Variants in ITSN1 observed in about 807,000 individuals in gnomAD.
ITSN1 encodes intersectin 1, also known as intersectin-1.
Under a neutral mutation model 239.8 loss-of-function variants are expected in ITSN1, and 58 were observed. The ratio of observed to expected loss-of-function variants is 0.24; its 90% confidence interval spans 0.20 to 0.30. The LOEUF (loss-of-function observed/expected upper bound fraction) is 0.30, where lower values mean the gene tolerates loss of function less well. ITSN1 is among the 10% of genes least tolerant of loss of function. The pLI is 1.00. For synonymous variants in ITSN1, 780 were observed against 770.8 expected (o/e 1.01, Z -0.20); for missense variants, 1,558 against 2,103.3 (o/e 0.74, Z 5.07).
Position 33,762,004 on chromosome 21 carries a change from C to T in ITSN1, c.788+18C>T. On this transcript the variant is annotated intron_variant, in intron 9 of 39. Coordinates refer to ENST00000381318, the MANE Select transcript of ITSN1 (RefSeq NM_003024.3). ...TCAATATGGTAAGGAATGAAAAGTT[C>T]TTTGGTTTGGATAAAGTGGAAACTT... 1 of 1,594,008 alleles carries T rather than the reference C, an allele frequency of 6.3e-7. No homozygotes were observed. The highest frequency in any genetic ancestry group is 2.2e-5 in the East Asian group (1 of 44,792).
rs957884964 is a variant in ITSN1 at position 33,865,393 on chromosome 21, A to T, written c.4074+59A>T. On this transcript the variant is annotated intron_variant, in intron 32 of 39. Transcript: ENST00000381318. This position sits in a 1 kb window ranked among gnomAD's most constrained non-coding sequence, Gnocchi z 4.4. ...AGAGTGGCGATCTTTGGGCAGCTGG[A>T]TGTGTGAGGGGCTAATTCAAAAGTC... The T allele has an allele frequency of 3.4e-5, 46 of 1,334,314 alleles. No homozygotes were observed. The highest frequency in any genetic ancestry group is 4.3e-5 in the Non-Finnish European group (42 of 985,436). The allele number at this position is 1,334,314 out of a possible 1,614,324, so 82.7% of individuals were successfully genotyped here.
Position 33,888,298 on chromosome 21 carries a change from T to C in ITSN1, c.5164T>C (p.Ter1722GlnextTer49), listed in dbSNP as rs762227353. The C allele has an allele frequency of 1.2e-6, 2 of 1,612,164 alleles. No homozygotes were observed. The highest frequency in any genetic ancestry group is 8.5e-7 in the Non-Finnish European group (1 of 1,179,076). The change falls in exon 40 of 40, where the codon TAG becomes CAG. Residue 1722 changes from the stop codon to glutamine (Q), a stop_lost. Transcript: ENST00000381318. Reference sequence around the variant, plus strand: ...GGACCTGCAGTTGTTTGATGAGCCGTAGGCAGCGGGCTCAGGGTGTGCTCA... The same window carrying C: ...GGACCTGCAGTTGTTTGATGAGCCGCAGGCAGCGGGCTCAGGGTGTGCTCA... ...RLDLQLFDEP[*>Q]
intron 20 of ITSN1, among the ~76,000 whole-genome samples, chr21:33,806,585 C>A (rs1272327349): frequency 6.6e-6 from 1 of 152,186 alleles, no homozygotes; most frequent in Non-Finnish European, 1.5e-5. Context: ...GTTGCATCAG[C>A]GAGCTACAAT....
chr21:33,699,247 T>G (rs2091913939), intron 1 of ITSN1, among the ~76,000 whole-genome samples: 2 of 152,196 alleles, frequency 1.3e-5, no homozygotes, highest in Admixed American at 1.3e-4. Context: ...TATATCTTAC[T>G]ATCCTATAGT....
rs1986965840 is a variant in ITSN1 at position 33,899,326 on chromosome 21, C to CT, written c.*11027dup. The CT allele has an allele frequency of 6.6e-6, 1 of 152,242 alleles. No individual in the cohort carries two copies. Among genetic ancestry groups the CT allele is most frequent in the Non-Finnish European group, 1.5e-5 (1 of 68,068 alleles). 9.4% of individuals were successfully genotyped at this position (152,242 alleles called of 1,614,324 possible). A position where few individuals can be genotyped will look rare whatever the true frequency, so the allele number is the denominator to read the frequency against. The stretch of plus-strand genomic sequence containing the variant: ...TTCCAGTGACAAGCGGGCCACAGTG[C>CT]TGGTGGCATGTTGCTTCCCTCACAG... On this transcript the variant is annotated 3_prime_UTR_variant, in exon 40 of 40. Transcript: ENST00000381318.
chr21:33,674,157 G>A (rs1460785957), intron 1 of ITSN1, among the ~76,000 whole-genome samples: 1 of 152,110 alleles, frequency 6.6e-6, no homozygotes, highest in African/African-American at 2.4e-5. Flanking sequence ...ATGTCTCTAG[G>A]ACTCATTGGT....
intron 16 of ITSN1, among the ~76,000 whole-genome samples, chr21:33,784,066 A>G (rs1602217299): frequency 6.6e-6 from 1 of 152,120 alleles, no homozygotes; most frequent in East Asian, 1.9e-4. Context: ...CCCCTTTTCC[A>G]CTAGCCCTTT....
Position 33,799,976 on chromosome 21 carries a change from T to C in ITSN1, c.2304+47T>C, listed in dbSNP as rs1198913666. The C allele has an allele frequency of 2.5e-6, 4 of 1,576,454 alleles. No individual in the cohort carries two copies. The South Asian group carries it at 3.6e-5, about 14-fold the overall frequency. On this transcript the variant is annotated intron_variant, in intron 19 of 39. Transcript: ENST00000381318. Reference sequence around the variant, plus strand: ...GGGTCATTTCTGTTGAAGATTAGCCTCTGTCCTCTTTTTTTCACTTTATTC... The same window carrying C: ...GGGTCATTTCTGTTGAAGATTAGCCCCTGTCCTCTTTTTTTCACTTTATTC...
rs536564746 is a variant in ITSN1 at position 33,895,620 on chromosome 21, T to C, written c.*7320T>C. 2 of 107,612 alleles carry C rather than the reference T, an allele frequency of 1.9e-5. No homozygotes were observed. Among genetic ancestry groups the C allele is most frequent in the African/African-American group, 6.7e-5 (2 of 29,784 alleles). The allele number at this position is 107,612 out of a possible 1,614,324, so 6.7% of individuals were successfully genotyped here. On this transcript the variant is annotated 3_prime_UTR_variant, in exon 40 of 40. Transcript: ENST00000381318. ...GCATGTGTTTGTGCGTGTGTGCGTATTTGTGTGTGTGCGTGTGTGTGCGTG... is the reference window on the plus strand; with the variant it reads ...GCATGTGTTTGTGCGTGTGTGCGTACTTGTGTGTGTGCGTGTGTGTGCGTG...
At chr21:33,777,328 TGTCCTTTACCA>T (rs74363022) in intron 14 of ITSN1, among the ~76,000 whole-genome samples, 31,883 of 152,106 alleles carry the variant, frequency 0.21, 4,010 homozygotes, top group Non-Finnish European at 0.27. Flanking sequence ...TTGATCTGTC[TGTCCTTTACCA>T]GTACCTCACC....
intron 31 of ITSN1, among the ~76,000 whole-genome samples, chr21:33,861,061 T>C (rs1438790187): frequency 6.6e-6 from 1 of 152,214 alleles, no homozygotes; most frequent in Non-Finnish European, 1.5e-5. Flanking sequence ...AGATAAAATC[T>C]TATGTTGAAC....
Position 33,797,310 on chromosome 21 carries a change from TGAAAAGAG to T in ITSN1, c.1953-67_1953-60del. 2.9e-6 allele frequency: 4 copies of T among 1,370,264 alleles called. No individual in the cohort carries two copies. Among genetic ancestry groups the T allele is most frequent in the Admixed American group, 3.6e-5 (2 of 55,002 alleles). The allele number at this position is 1,370,264 out of a possible 1,614,324, so 84.9% of individuals were successfully genotyped here. Reference sequence around the variant, plus strand: ...CATTTACTGGATGGAGCTTTTTTTGTGAAAAGAGGCAACAGTAGTGTTAACTTAGAGTT... The same window carrying T: ...CATTTACTGGATGGAGCTTTTTTTGTGCAACAGTAGTGTTAACTTAGAGTT... On this transcript the variant is annotated intron_variant, in intron 17 of 39. Transcript: ENST00000381318. The surrounding 1 kb of genome is among the most constrained non-coding windows in gnomAD (Gnocchi z 4.9).
At chr21:33,688,856 G>T (rs1253763828) in intron 1 of ITSN1, among the ~76,000 whole-genome samples, 1 of 151,438 alleles carries the variant, frequency 6.6e-6, no homozygotes, top group Non-Finnish European at 1.5e-5. Flanking sequence ...ACCCAGGCTG[G>T]AGTGCAGTGG....
rs372116235 is a variant in ITSN1 at position 33,682,434 on chromosome 21, C to T, written c.-32-36363C>T. ...TTCTCCATGTTGGTCAGGCTGGTCT[C>T]GAACTCCCGACCTCAGGTGATCCAC... On this transcript the variant is annotated intron_variant, in intron 1 of 39. Coordinates refer to ENST00000381318, the MANE Select transcript of ITSN1 (RefSeq NM_003024.3). Among the ~76,000 whole-genome samples the T allele has an allele frequency of 6.6e-5, 10 of 151,978 alleles. 1 individual carries two copies. Among genetic ancestry groups the T allele is most frequent in the Middle Eastern group, 6.8e-3 (2 of 292 alleles).
intron 1 of ITSN1, among the ~76,000 whole-genome samples, chr21:33,642,956 G>T (rs1258204736): frequency 6.6e-6 from 1 of 150,446 alleles, no homozygotes; most frequent in Non-Finnish European, 1.5e-5. Context: ...CTGGGAGGCC[G>T]GGGGCCGCGG....
intron 1 of ITSN1, among the ~76,000 whole-genome samples, chr21:33,688,732 A>G (rs1280481108): frequency 6.6e-6 from 1 of 152,200 alleles, no homozygotes; most frequent in Non-Finnish European, 1.5e-5. Flanking sequence ...AGAAAGAGGA[A>G]AGACAGAGGG....
chr21:33,676,771 C>CCTTTAAG (rs1369483807), intron 1 of ITSN1, among the ~76,000 whole-genome samples: 4 of 152,176 alleles, frequency 2.6e-5, no homozygotes, highest in African/African-American at 9.7e-5. Context: ...AAAGAGTTTG[C>CCTTTAAG]CATGGTTTTC....
intron 1 of ITSN1, among the ~76,000 whole-genome samples, chr21:33,669,564 C>G (rs554039738): frequency 6.6e-6 from 1 of 151,898 alleles, no homozygotes; most frequent in Non-Finnish European, 1.5e-5. Context: ...CTCAGCCGCC[C>G]GATTAGCTGG....
intron 31 of ITSN1, among the ~76,000 whole-genome samples, chr21:33,861,938 TC>T (rs1230206178): frequency 7.6e-6 from 1 of 132,052 alleles, no homozygotes; most frequent in African/African-American, 2.9e-5. Flanking sequence ...AGAGTGAGAC[TC>T]CGTCTCAAAA....
Sources: gnomAD v4.1 joint callset for allele counts (sites outside exome capture counted in the v4.1 genomes callset) on GRCh38, gnomAD v4.1.1 for gene constraint, Gnocchi (gnomAD v3.1) non-coding constraint, MANE v1.5 for transcripts, NCBI Gene and HGNC (gene_info 2026-07-23, HGNC 2026-07-21) for gene names.